The following MYOZ3 variants were observed in gnomAD, a reference collection of about 807,000 sequenced individuals.
MYOZ3 encodes myozenin-3.
A neutral mutation model predicts 26.5 loss-of-function variants in MYOZ3; 19 were observed. The observed-to-expected ratio is 0.72, with a 90% CI of 0.50 to 1.05. The LOEUF (loss-of-function observed/expected upper bound fraction) is 1.05, where lower values mean the gene tolerates loss of function less well. Among genes scored for constraint, MYOZ3 ranks in the 50% least tolerant of loss-of-function variants. MYOZ3 has a pLI of 0.00. For missense variants in MYOZ3, 322 were observed against 337.1 expected (o/e 0.96, Z 0.35); for synonymous variants, 135 against 138.8 (o/e 0.97, Z 0.19).
chr5:150,667,140 C>G (rs10036780), intron 2 of MYOZ3, among the ~76,000 whole-genome samples: 21,544 of 152,078 alleles, frequency 0.14, 2,877 homozygotes, highest in African/African-American at 0.36. Context: ...AAATCAGTGT[C>G]CTTTTTAGAC....
chr5:150,665,788 C>T (rs1758799399), intron 2 of MYOZ3, among the ~76,000 whole-genome samples: 1 of 151,574 alleles, frequency 6.6e-6, no homozygotes. Context: ...GTAATCCCAG[C>T]ACTTTGGGAG....
chr5:150,670,345 A>T (rs1758881946), intron 2 of MYOZ3, 139 bp from the exon 3 acceptor site: 25 of 996,312 alleles, frequency 2.5e-5, no homozygotes, highest in Non-Finnish European at 3.4e-5. Flanking sequence ...CAAAGATTTC[A>T]AACAATCATG....
intron 2 of MYOZ3, among the ~76,000 whole-genome samples, chr5:150,664,220 A>G (rs1384173340): frequency 6.6e-6 from 1 of 152,018 alleles, no homozygotes; most frequent in African/African-American, 2.4e-5. Context: ...CTTTTAACCT[A>G]TTTTGTGTGC....
intron 1 of MYOZ3, 146 bp from the exon 2 acceptor site, chr5:150,662,795 C>G: frequency 1.4e-6 from 1 of 689,756 alleles, no homozygotes; most frequent in Non-Finnish European, 2.5e-6. Flanking sequence ...ACCCTGAAGT[C>G]CCTTCCAGCT....
rs144945884 is a variant in MYOZ3 at position 150,674,198 on chromosome 5, C to T, written c.587+1696C>T. ...CTGGCAGGCAGGACTGCCCTATCTC[C>T]TCCTGGGCCCTCAGACCCTGCCTGC... On this transcript the variant is annotated intron_variant, in intron 6 of 6. Transcript: ENST00000517768. Among the ~76,000 whole-genome samples the T allele has an allele frequency of 2.6e-5, 4 of 152,350 alleles. No individual in the cohort carries two copies. The East Asian group carries it at 7.7e-4, about 29-fold the overall frequency.
Position 150,676,830 on chromosome 5 carries a change from G to A in MYOZ3, c.711G>A (p.Val237=), listed in dbSNP as rs1759017638. ...LLRLRPSFNR[V]AQGWVRNLPE... ...GTCTCAGACCCAGCTTCAACAGAGTGGCCCAGGGCTGGGTCCGTAACCTCC... is the reference window on the plus strand; with the variant it reads ...GTCTCAGACCCAGCTTCAACAGAGTAGCCCAGGGCTGGGTCCGTAACCTCC... The change falls in exon 7 of 7, where the codon GTG becomes GTA. Residue 237 remains valine, a synonymous_variant. Coordinates refer to ENST00000517768, the MANE Select transcript of MYOZ3 (RefSeq NM_001122853.3). 6.2e-7 allele frequency: 1 copy of A among 1,613,622 alleles called. No individual in the cohort carries two copies. The highest frequency in any genetic ancestry group is 8.5e-7 in the Non-Finnish European group (1 of 1,180,012).
At chr5:150,664,772 G>T (rs1231901000) in intron 2 of MYOZ3, among the ~76,000 whole-genome samples, 1 of 152,042 alleles carries the variant, frequency 6.6e-6, no homozygotes, top group South Asian at 2.1e-4. Context: ...TTATTACATG[G>T]TTACAATGAT....
intron 2 of MYOZ3, among the ~76,000 whole-genome samples, chr5:150,663,609 T>G (rs1266527157): frequency 6.6e-6 from 1 of 152,252 alleles, no homozygotes; most frequent in African/African-American, 2.4e-5. Flanking sequence ...AAATTCATTT[T>G]TATCAATTTT....
rs1324643781 is a variant in MYOZ3 at position 150,671,828 on chromosome 5, C to A, written c.344C>A (p.Ala115Asp). The change falls in exon 5 of 7, where the codon GCC becomes GAC. Residue 115 changes from alanine (A) to aspartate (D), a missense_variant. Physicochemically the swap from Ala to Asp is moderately radical, Grantham distance 126 (BLOSUM62 -2). Transcript: ENST00000517768. ...CACATCTTCCCGGCCTCACCCGGGG[C>A]CTCACTCGGGGGTCCCGAGGGCGCC... ...ELHIFPASPG[A>D]SLGGPEGAHP... 2 of 1,611,108 alleles carry A rather than the reference C, an allele frequency of 1.2e-6. No homozygotes were observed. Among genetic ancestry groups the A allele is most frequent in the Non-Finnish European group, 1.7e-6 (2 of 1,179,520 alleles).
In MYOZ3 at chr5:150,670,325, A is replaced by G. The variant is rs1034604786; in HGVS notation, c.62-159A>G. 4.4e-5 allele frequency: 33 copies of G among 746,320 alleles called. No homozygotes were observed. The African/African-American group carries it at 6.0e-4, about 14-fold the overall frequency. 46.2% of individuals were successfully genotyped at this position (746,320 alleles called of 1,614,324 possible). On this transcript the variant is annotated intron_variant, in intron 2 of 6. Coordinates refer to ENST00000517768, the MANE Select transcript of MYOZ3 (RefSeq NM_001122853.3). ...AAACTCTGAGGTGTCATTTTTGCCCATCAGGTGGGCAAAGATTTCAAACAA... is the reference window on the plus strand; with the variant it reads ...AAACTCTGAGGTGTCATTTTTGCCCGTCAGGTGGGCAAAGATTTCAAACAA...
intron 2 of MYOZ3, among the ~76,000 whole-genome samples, chr5:150,669,574 A>G (rs1238208841): frequency 1.0e-5 from 1 of 98,204 alleles, no homozygotes; most frequent in African/African-American, 4.2e-5. Flanking sequence ...AGATAATGGT[A>G]TTTTTCTCTT....
chr5:150,671,310 G>A (rs1201949049), intron 3 of MYOZ3: 2 of 487,776 alleles, frequency 4.1e-6, no homozygotes, highest in African/African-American at 2.0e-5. Context: ...CTCTGAGGAA[G>A]AGATCTTCAT....
chr5:150,671,983 A>G, intron 5 of MYOZ3, 75 bp downstream of exon 5: 2 of 1,455,956 alleles, frequency 1.4e-6, no homozygotes, highest in Non-Finnish European at 1.8e-6. Flanking sequence ...TGGGGCAGGA[A>G]GAGCACCCAG....
intron 2 of MYOZ3, among the ~76,000 whole-genome samples, chr5:150,664,055 A>G (rs12655353): frequency 0.024 from 3,596 of 151,998 alleles, 129 homozygotes; most frequent in East Asian, 0.14. Flanking sequence ...CTCAAGCTTT[A>G]TTGTGAATCA....
intron 1 of MYOZ3, among the ~76,000 whole-genome samples, chr5:150,661,922 C>A (rs1417014760): frequency 6.6e-6 from 1 of 152,180 alleles, no homozygotes; most frequent in South Asian, 2.1e-4. Context: ...CCATGGATCT[C>A]TGTGATTTAG....
chr5:150,672,278 G>A, intron 5 of MYOZ3, 62 bp from the exon 6 acceptor site: 1 of 1,548,364 alleles, frequency 6.5e-7, no homozygotes, highest in South Asian at 1.2e-5. Context: ...GGGGTGGGGC[G>A]AGGTGGGGTT....
intron 5 of MYOZ3, 162 bp downstream of exon 5, chr5:150,672,070 G>T: frequency 8.3e-7 from 1 of 1,204,582 alleles, no homozygotes; most frequent in South Asian, 1.4e-5. Context: ...CCGGAGGGGC[G>T]CCGCGCCCCA....
At chr5:150,668,360 T>C (rs1264083033) in intron 2 of MYOZ3, among the ~76,000 whole-genome samples, 1 of 152,240 alleles carries the variant, frequency 6.6e-6, no homozygotes, top group African/African-American at 2.4e-5. Flanking sequence ...CAGCAGCACT[T>C]GGCTCTGTTA....
intron 3 of MYOZ3, chr5:150,671,290 T>A: frequency 2.3e-6 from 1 of 432,970 alleles, no homozygotes; most frequent in Non-Finnish European, 4.2e-6. Flanking sequence ...CATTTAATGC[T>A]CATAGACCCC....
Sources: allele counts gnomAD v4.1 joint callset (sites outside exome capture counted in the v4.1 genomes callset), GRCh38; gene constraint gnomAD v4.1.1; transcripts MANE v1.5; gene names NCBI Gene and HGNC (gene_info 2026-07-23, HGNC 2026-07-21).